Variants in ROS1 observed in about 807,000 individuals in gnomAD.
ROS1 encodes ROS proto-oncogene 1, receptor tyrosine kinase, also known as proto-oncogene tyrosine-protein kinase ROS.
ROS1 carries 263 observed loss-of-function variants against 273.5 expected under a neutral mutation model. That is an observed-to-expected ratio of 0.96 (90% CI 0.87 to 1.06). The LOEUF (loss-of-function observed/expected upper bound fraction) is 1.06, where lower values mean the gene tolerates loss of function less well. Among genes scored for constraint, ROS1 ranks in the 50% least tolerant of loss-of-function variants. ROS1 has a pLI of 0.00. For missense variants in ROS1, 2,833 were observed against 2,751.1 expected, an observed-to-expected ratio of 1.03 and a Z score of -0.67; for synonymous variants, 1,008 against 954.1, an observed-to-expected ratio of 1.06 and a Z score of -1.04.
At chr6:117,313,951 C>T (rs1444916059) in intron 39 of ROS1, among the ~76,000 whole-genome samples, 1 of 152,104 alleles carries the variant, frequency 6.6e-6, no homozygotes, top group Non-Finnish European at 1.5e-5. Context: ...CTGTTTTTGG[C>T]AACCACCAGG....
rs182529844 is a variant in ROS1 at position 117,308,846 on chromosome 6, A to T, written c.6499T>A (p.Tyr2167Asn). Residue 2167 changes from tyrosine (Y) to asparagine (N), a missense_variant, in exon 42 of 44, where the codon TAT becomes AAT. Tyr to Asn is a moderately radical substitution (Grantham distance 143, BLOSUM62 -2). Coordinates refer to ENST00000368507, the MANE Select transcript of ROS1 (RefSeq NM_001378902.1). ...PAHSNLDVLNYVQTGGRLEPP... is the reference protein window; with the variant it reads ...PAHSNLDVLNNVQTGGRLEPP... ...TCCAGTCTCCCTCCTGTTTGCACATAGTTTAACACATCAAGGTTGGAATGA... is the reference window on the plus strand; with the variant it reads ...TCCAGTCTCCCTCCTGTTTGCACATTGTTTAACACATCAAGGTTGGAATGA... The T allele has an allele frequency of 2.0e-5, 33 of 1,613,500 alleles. No individual in the cohort carries two copies. The East Asian group carries it at 6.5e-4, about 32-fold the overall frequency.
intron 13 of ROS1, 133 bp downstream of exon 13, chr6:117,389,217 G>T: frequency 2.0e-6 from 2 of 1,010,792 alleles, no homozygotes; most frequent in East Asian, 2.4e-5. Flanking sequence ...TTTTTTTTTA[G>T]CTAAGTAGCT....
At position 117,341,209 on chromosome 6, in the gene ROS1, T is replaced by C. The variant is rs2128621616; in HGVS notation, c.4987A>G (p.Asn1663Asp). ...PEKPYSLVPE[N>D]TSLQFNWKAP... ...TTCCAATTAAATTGCAAACTAGTGTTCTCTGGAACCAAGGAATAAGGTTTC... is the reference window on the plus strand; with the variant it reads ...TTCCAATTAAATTGCAAACTAGTGTCCTCTGGAACCAAGGAATAAGGTTTC... Residue 1663 changes from asparagine to aspartate, a missense_variant, in exon 31 of 44, where the codon AAC becomes GAC. Asn to Asp is a conservative substitution (Grantham distance 23, BLOSUM62 1). Transcript: ENST00000368507. 6.2e-7 allele frequency: 1 copy of C among 1,613,520 alleles called. No homozygotes were observed. Among genetic ancestry groups the C allele is most frequent in the South Asian group, 1.1e-5 (1 of 91,046 alleles).
At chr6:117,299,555 T>C (rs1774518024) in intron 43 of ROS1, 1 of 152,238 alleles carries the variant, frequency 6.6e-6, no homozygotes, top group African/African-American at 2.4e-5. Context: ...GGTGTGCAAG[T>C]AGCTCTGCAA....
At chr6:117,411,284 C>T (rs553050080) in intron 4 of ROS1, among the ~76,000 whole-genome samples, 1 of 149,420 alleles carries the variant, frequency 6.7e-6, no homozygotes, top group East Asian at 2.0e-4. Context: ...TCCATCCCCC[C>T]ACTCCTTTCA....
At chr6:117,298,861 A>G in intron 43 of ROS1, among the ~76,000 whole-genome samples, 1 of 152,166 alleles carries the variant, frequency 6.6e-6, no homozygotes, top group East Asian at 1.9e-4. Context: ...TGTTGAAATA[A>G]TTTTTTTAAT....
At chr6:117,347,362 C>A (rs969089853) in intron 27 of ROS1, among the ~76,000 whole-genome samples, 6 of 152,046 alleles carry the variant, frequency 3.9e-5, no homozygotes, top group Non-Finnish European at 2.9e-5. Context: ...TCTAATTCCA[C>A]TTGTCCATTG....
intron 7 of ROS1, among the ~76,000 whole-genome samples, chr6:117,398,765 G>A (rs1048629251): frequency 6.6e-6 from 1 of 151,172 alleles, no homozygotes; most frequent in Admixed American, 6.6e-5. Flanking sequence ...ACGAGGTCAG[G>A]AGATTGAGAC....
chr6:117,322,382 T>C (rs1193050231), intron 35 of ROS1, among the ~76,000 whole-genome samples: 2 of 152,162 alleles, frequency 1.3e-5, no homozygotes, highest in Admixed American at 6.6e-5. Context: ...GAAAGACTAA[T>C]TGCGCCTCTC....
At chr6:117,298,288 T>C (rs1159504251) in intron 43 of ROS1, among the ~76,000 whole-genome samples, 1 of 152,116 alleles carries the variant, frequency 6.6e-6, no homozygotes, top group Non-Finnish European at 1.5e-5. Context: ...ATAGATACCC[T>C]AAAAGCCCTG....
intron 10 of ROS1, 32 bp downstream of exon 10, chr6:117,394,584 A>G (rs765961039): frequency 1.3e-6 from 2 of 1,489,492 alleles, no homozygotes; most frequent in Admixed American, 4.6e-5. Context: ...TTCTTTTCAC[A>G]CTAAGGAATC....
intron 7 of ROS1, 60 bp from the exon 8 acceptor site, chr6:117,397,176 A>G: frequency 8.7e-7 from 1 of 1,148,118 alleles, no homozygotes; most frequent in Non-Finnish European, 1.3e-6. Context: ...TGTTTTTAAA[A>G]TAAGATGGAA....
intron 33 of ROS1, 112 bp downstream of exon 33, chr6:117,329,217 G>T (rs2128592613): frequency 1.5e-6 from 1 of 650,868 alleles, no homozygotes. Flanking sequence ...TTTAACTAAA[G>T]ATCTTTGTGT....
rs765292145 is a variant in ROS1 at position 117,383,425 on chromosome 6, TG to T, written c.2372del (p.Ser791Ter). The T allele has an allele frequency of 1.2e-6, 2 of 1,614,038 alleles. No homozygotes were observed. Among genetic ancestry groups the T allele is most frequent in the South Asian group, 2.2e-5 (2 of 91,074 alleles). On this transcript the variant is annotated frameshift_variant, in exon 17 of 44. Transcript: ENST00000368507. LOFTEE classifies it high-confidence loss of function. Reference sequence around the variant, plus strand: ...TGGTCCAGTAGAGATATCCACCAACTGAATCCACCACCATGTCATTCACCAA... The same window carrying T: ...TGGTCCAGTAGAGATATCCACCAACTAATCCACCACCATGTCATTCACCAA... ...KLLVNDMVVD[S>X]VGGYLYWTTL...
At chr6:117,324,186 T>C in intron 35 of ROS1, 146 bp downstream of exon 35, 1 of 591,054 alleles carries the variant, frequency 1.7e-6, no homozygotes, top group Non-Finnish European at 3.0e-6. Context: ...TGGTTATAAA[T>C]GTATAGCCAA....
In ROS1 at chr6:117,360,391, T is replaced by C. The variant is rs756073092; in HGVS notation, c.3381A>G (p.Thr1127=). 8 of 1,613,254 alleles carry C rather than the reference T, an allele frequency of 5.0e-6. No homozygotes were observed. The highest frequency in any genetic ancestry group is 4.0e-5 in the African/African-American group (3 of 74,808). Residue 1127 remains threonine (T), a synonymous_variant, in exon 23 of 44, where the codon ACA becomes ACG. Transcript: ENST00000368507. ...CAGCATATGGTCCTGGCCCCTTAGA[T>C]GTAAAGGCCCTAACCTAAAGAAAAG... The part of the protein sequence containing the change: ...CFIAFQVRAF[T]SKGPGPYADV...
rs1772725760 is a variant in ROS1 at position 117,387,938 on chromosome 6, G to A, written c.1841C>T (p.Pro614Leu). 3.7e-6 allele frequency: 6 copies of A among 1,614,042 alleles called. No homozygotes were observed. The highest frequency in any genetic ancestry group is 5.1e-6 in the Non-Finnish European group (6 of 1,180,018). Residue 614 changes from proline to leucine, a missense_variant, in exon 14 of 44, where the codon CCT becomes CTT. Pro to Leu is a moderately conservative substitution (Grantham distance 98, BLOSUM62 -3). Coordinates refer to ENST00000368507, the MANE Select transcript of ROS1 (RefSeq NM_001378902.1). ...CAAGAAAATATGAGTGACTTCAGGA[G>A]GGTCTTGGGTGGATACTTTCACCTC... ...TYEVKVSTQDPPEVTHIFLNI... is the reference protein window; with the variant it reads ...TYEVKVSTQDLPEVTHIFLNI...
intron 32 of ROS1, among the ~76,000 whole-genome samples, chr6:117,332,347 A>T (rs188099563): frequency 2.6e-5 from 4 of 152,212 alleles, no homozygotes; most frequent in Non-Finnish European, 5.9e-5. Context: ...TCACAAAGTA[A>T]GTTCTTAGAG....
At chr6:117,294,370 T>A (rs1006698385) in intron 43 of ROS1, among the ~76,000 whole-genome samples, 1 of 152,130 alleles carries the variant, frequency 6.6e-6, no homozygotes, top group Admixed American at 6.5e-5. Flanking sequence ...CAGATAATAT[T>A]ATCTTATATC....
Sources: allele counts gnomAD v4.1 joint callset (sites outside exome capture counted in the v4.1 genomes callset), GRCh38; gene constraint gnomAD v4.1.1; transcripts MANE v1.5; gene names NCBI Gene and HGNC (gene_info 2026-07-23, HGNC 2026-07-21).